The following WDR11 variants were observed in gnomAD, a reference collection of about 807,000 sequenced individuals.
WDR11 encodes the protein WD repeat-containing protein 11.
Under a neutral mutation model 151.2 loss-of-function variants are expected in WDR11, and 83 were observed. That is an observed-to-expected ratio of 0.55 (90% CI 0.46 to 0.66). The LOEUF (loss-of-function observed/expected upper bound fraction) is 0.66. Ranked by LOEUF, WDR11 falls within the 30% of genes least tolerant of loss-of-function variation. The pLI is 0.00. For missense variants in WDR11, 1,301 were observed against 1,480.9 expected, an observed-to-expected ratio of 0.88 and a Z score of 1.99; for synonymous variants, 484 against 533.1, an observed-to-expected ratio of 0.91 and a Z score of 1.27.
At chr10:120,893,954 A>G (rs1847514555) in intron 19 of WDR11, among the ~76,000 whole-genome samples, 1 of 152,010 alleles carries the variant, frequency 6.6e-6, no homozygotes, top group African/African-American at 2.4e-5. Flanking sequence ...TTTTTCTCCC[A>G]TTCTGTAGGT....
At chr10:120,903,898 T>G in intron 23 of WDR11, 149 bp from the exon 24 acceptor site, 1 of 601,344 alleles carries the variant, frequency 1.7e-6, no homozygotes, top group East Asian at 2.9e-5. Flanking sequence ...AAATTCTTAT[T>G]AAATGTTTGG....
At chr10:120,900,961 A>G (rs565026255) in intron 20 of WDR11, 75 bp from the exon 21 acceptor site, 9 of 1,101,218 alleles carry the variant, frequency 8.2e-6, no homozygotes, top group South Asian at 1.3e-5. Context: ...ATATTAACAC[A>G]ACTTTTTTCA....
At chr10:120,901,300 G>C (rs1370742542) in intron 21 of WDR11, among the ~76,000 whole-genome samples, 1 of 152,204 alleles carries the variant, frequency 6.6e-6, no homozygotes, top group East Asian at 1.9e-4. Flanking sequence ...TACAGTGACA[G>C]AGCATCTGTC....
intron 19 of WDR11, among the ~76,000 whole-genome samples, chr10:120,892,702 A>T (rs565003207): frequency 6.6e-6 from 1 of 152,232 alleles, no homozygotes; most frequent in Admixed American, 6.5e-5. Context: ...TCACATCTGT[A>T]CATTTTCTTA....
Position 120,885,936 on chromosome 10 carries a change from C to A in WDR11, c.1971C>A (p.Ile657=). The A allele has an allele frequency of 1.2e-6, 2 of 1,613,284 alleles. No homozygotes were observed. The highest frequency in any genetic ancestry group is 1.1e-5 in the South Asian group (1 of 91,014). The stretch of plus-strand genomic sequence containing the variant: ...TGAGTATTGTTGAATCATCTGTGAT[C>A]AGGTACAGTACAGTGTTTCTTGACA... ...TELSIVESSV[I]SLLQEAESKS... The change falls in exon 15 of 29, where the codon ATC becomes ATA. Residue 657 remains isoleucine, a splice_region_variant and synonymous_variant. Transcript: ENST00000263461.
chr10:120,851,541 G>T, intron 1 of WDR11, 35 bp downstream of exon 1: 1 of 1,597,664 alleles, frequency 6.3e-7, no homozygotes, highest in Non-Finnish European at 8.5e-7. Flanking sequence ...GCCAGGATCG[G>T]CCAGGAATGT....
Position 120,906,760 on chromosome 10 carries a change from T to C in WDR11, c.3438-16T>C. 1 of 1,614,150 alleles carries C rather than the reference T, an allele frequency of 6.2e-7. No homozygotes were observed. Among genetic ancestry groups the C allele is most frequent in the Non-Finnish European group, 8.5e-7 (1 of 1,180,000 alleles). Reference sequence around the variant, plus strand: ...TAAATCACAAAGCATAACTCTTGTTTTGTTCTGTTGAGCAGCATGAGATAC... The same window carrying C: ...TAAATCACAAAGCATAACTCTTGTTCTGTTCTGTTGAGCAGCATGAGATAC... On this transcript the variant is annotated splice_polypyrimidine_tract_variant and intron_variant, in intron 27 of 28. Coordinates refer to ENST00000263461, the MANE Select transcript of WDR11 (RefSeq NM_018117.12).
intron 3 of WDR11, 87 bp downstream of exon 3, chr10:120,858,883 AT>A: frequency 6.6e-7 from 1 of 1,505,678 alleles, no homozygotes; most frequent in Non-Finnish European, 9.1e-7. Flanking sequence ...TCCCCCATTC[AT>A]TTAATTTTAT....
chr10:120,859,302 C>T (rs1378206329), intron 3 of WDR11, among the ~76,000 whole-genome samples: 1 of 138,976 alleles, frequency 7.2e-6, no homozygotes, highest in Non-Finnish European at 1.5e-5. Flanking sequence ...GAGTGTCGCT[C>T]TGTTGCCCAG....
At chr10:120,889,659 G>A (rs1355457913) in intron 17 of WDR11, 1 of 535,760 alleles carries the variant, frequency 1.9e-6, no homozygotes, top group East Asian at 3.3e-5. Flanking sequence ...GGGAGGATGG[G>A]CCTTGAGCCA....
intron 5 of WDR11, 101 bp from the exon 6 acceptor site, chr10:120,864,945 AT>A: frequency 2.1e-6 from 3 of 1,408,700 alleles, no homozygotes; most frequent in Non-Finnish European, 3.0e-6. Context: ...ATAGTTGTAC[AT>A]TTTTATTGTC....
chr10:120,888,719 GC>G (rs2133789828), intron 16 of WDR11, among the ~76,000 whole-genome samples: 1 of 152,218 alleles, frequency 6.6e-6, no homozygotes, highest in African/African-American at 2.4e-5. Flanking sequence ...TTATCCTTTT[GC>G]AGTGAGAGAT....
intron 11 of WDR11, among the ~76,000 whole-genome samples, chr10:120,877,058 ATGT>A (rs1324189517): frequency 2.6e-5 from 4 of 152,192 alleles, no homozygotes; most frequent in African/African-American, 9.7e-5. Context: ...AAAATCAAAC[ATGT>A]TGTCTTTTCA....
intron 26 of WDR11, chr10:120,905,655 G>C (rs1471747499): frequency 2.4e-5 from 21 of 873,282 alleles, no homozygotes; most frequent in Non-Finnish European, 3.5e-5. Flanking sequence ...TTCTCCCAGA[G>C]TCTGAGCCGA....
Position 120,866,628 on chromosome 10 carries a change from G to C in WDR11, c.1054G>C (p.Val352Leu), listed in dbSNP as rs1186727120. The C allele has an allele frequency of 6.2e-7, 1 of 1,614,162 alleles. No homozygotes were observed. The highest frequency in any genetic ancestry group is 2.2e-5 in the East Asian group (1 of 44,882). ...DLRSQCDAIR[V>L]TKTVRPFSMV... The stretch of plus-strand genomic sequence containing the variant: ...ACGAAGCCAGTGTGATGCAATCAGG[G>C]TGACAAAAACCGTCCGTCCCTTCAG... Residue 352 changes from valine to leucine, a missense_variant, in exon 8 of 29, where the codon GTG (valine) becomes CTG (leucine). Physicochemically the swap from Val to Leu is conservative, Grantham distance 32 (BLOSUM62 1). This residue lies in a region of WDR11 where 692 missense variants were observed against 762.5 expected (regional missense o/e 0.91). Coordinates refer to ENST00000263461, the MANE Select transcript of WDR11 (RefSeq NM_018117.12).
intron 2 of WDR11, among the ~76,000 whole-genome samples, chr10:120,853,919 A>G (rs997802165): frequency 2.6e-5 from 4 of 152,192 alleles, no homozygotes; most frequent in Non-Finnish European, 4.4e-5. Flanking sequence ...TAAGTTTTCA[A>G]CATGCAAAAT....
chr10:120,892,814 C>G (rs777585355), intron 19 of WDR11, among the ~76,000 whole-genome samples: 10 of 152,072 alleles, frequency 6.6e-5, no homozygotes, highest in Non-Finnish European at 1.3e-4. Flanking sequence ...CCTTTCTTAT[C>G]GGCTGCCTAA....
chr10:120,871,301 T>C lies in WDR11; in HGVS notation c.1426T>C (p.Leu476=), dbSNP rs1430667410. 6.2e-7 allele frequency: 1 copy of C among 1,613,888 alleles called. No homozygotes were observed. Among genetic ancestry groups the C allele is most frequent in the Non-Finnish European group, 8.5e-7 (1 of 1,180,006 alleles). The change falls in exon 10 of 29, where the codon TTG becomes CTG. Residue 476 remains leucine, a synonymous_variant. Coordinates refer to ENST00000263461, the MANE Select transcript of WDR11 (RefSeq NM_018117.12). The part of the protein sequence containing the change: ...PQFAIRMCPP[L]TTKNIKMYQP... ...GTTTGCTATTCGTATGTGTCCACCG[T>C]TGACCACAAAAAACATCAAGATGTA...
rs749111839 is a variant in WDR11 at position 120,871,159 on chromosome 10, T to A, written c.1295-11T>A. The A allele has an allele frequency of 6.2e-7, 1 of 1,614,052 alleles. No homozygotes were observed. Among genetic ancestry groups the A allele is most frequent in the Non-Finnish European group, 8.5e-7 (1 of 1,179,936 alleles). ...GTAGTTAATATATTTGTTATTTTTA[T>A]TACAAATCAGGGCAAAGTGCAATTG... On this transcript the variant is annotated splice_polypyrimidine_tract_variant and intron_variant, in intron 9 of 28. Coordinates refer to ENST00000263461, the MANE Select transcript of WDR11 (RefSeq NM_018117.12).
Sources: allele counts gnomAD v4.1 joint callset (sites outside exome capture counted in the v4.1 genomes callset), GRCh38; gene constraint gnomAD v4.1.1; regional missense constraint gnomAD v4.1.1; transcripts MANE v1.5; gene names NCBI Gene and HGNC (gene_info 2026-07-23, HGNC 2026-07-21).